Variants in FAM13A observed in about 807,000 individuals in gnomAD.
The protein encoded by FAM13A is family with sequence similarity 13 member A.
In FAM13A, 76 loss-of-function variants were observed where a neutral mutation model predicts 129.6. The observed-to-expected ratio is 0.59, with a 90% CI of 0.49 to 0.71. The LOEUF (loss-of-function observed/expected upper bound fraction) is 0.71. FAM13A is among the 30% of genes least tolerant of loss of function. The pLI is 0.00. For missense variants in FAM13A, 1,108 were observed against 1,249.3 expected (o/e 0.89, Z 1.70); for synonymous variants, 443 against 449.9 (o/e 0.98, Z 0.20).
intron 7 of FAM13A, among the ~76,000 whole-genome samples, chr4:88,818,356 G>A (rs1276345586): frequency 6.6e-6 from 1 of 151,918 alleles, no homozygotes; most frequent in Non-Finnish European, 1.5e-5. Flanking sequence ...ACCTTGGGTG[G>A]TATCATCTCT....
intron 1 of FAM13A, among the ~76,000 whole-genome samples, chr4:89,043,702 G>A (rs1770464703): frequency 6.6e-6 from 1 of 152,056 alleles, no homozygotes; most frequent in African/African-American, 2.4e-5. Flanking sequence ...ATTTTAATAA[G>A]GATGTGACAA....
chr4:88,827,663 TCCTCTCCTAC>T (rs1418658591), intron 7 of FAM13A, among the ~76,000 whole-genome samples: 2 of 152,168 alleles, frequency 1.3e-5, no homozygotes, highest in African/African-American at 4.8e-5. Flanking sequence ...CTCCTCCCTC[TCCTCTCCTAC>T]CCTCAACCAA....
intron 7 of FAM13A, among the ~76,000 whole-genome samples, chr4:88,833,859 C>G (rs1024138024): frequency 3.6e-4 from 55 of 152,126 alleles, no homozygotes; most frequent in African/African-American, 1.2e-3. Context: ...GCACTCCAGC[C>G]TGGGTGATAG....
At position 88,903,039 on chromosome 4, in the gene FAM13A, C is replaced by T. The variant is rs140609538; in HGVS notation, c.843+3340G>A. Among the ~76,000 whole-genome samples, 267 of 152,206 alleles carry T rather than the reference C, an allele frequency of 1.8e-3. 4 individuals carry two copies. Among genetic ancestry groups the T allele is most frequent in the Admixed American group, 0.015 (235 of 15,282 alleles). On this transcript the variant is annotated intron_variant, in intron 6 of 23. Transcript: ENST00000264344. ...TAAAATAAAATTGCTAGAAATACAG[C>T]TAACAAGGGAAGTAAAGGACCTCTT...
chr4:88,805,672 A>ATT (rs34154818), intron 7 of FAM13A, among the ~76,000 whole-genome samples: 39 of 149,224 alleles, frequency 2.6e-4, no homozygotes, highest in East Asian at 7.8e-4. Context: ...TTGAAAGTTA[A>ATT]TTTTTTTTTT....
At chr4:88,841,664 A>G (rs1735853437) in intron 7 of FAM13A, among the ~76,000 whole-genome samples, 1 of 152,206 alleles carries the variant, frequency 6.6e-6, no homozygotes, top group Admixed American at 6.5e-5. Context: ...ACATGAAAAG[A>G]TGTTCAACAT....
rs541305539 is a variant in FAM13A at position 88,928,426 on chromosome 4, C to T, written c.759+9662G>A. Among the ~76,000 whole-genome samples, 4 of 152,030 alleles carry T rather than the reference C, an allele frequency of 2.6e-5. No homozygotes were observed. The South Asian group carries it at 8.3e-4, about 32-fold the overall frequency. On this transcript the variant is annotated intron_variant, in intron 5 of 23. Coordinates refer to ENST00000264344, the MANE Select transcript of FAM13A (RefSeq NM_014883.4). ...TCTCAATGATCTGTCTATTGCTGTCCCTATTACTACTGTATTGCTGTCTAT... is the reference window on the plus strand; with the variant it reads ...TCTCAATGATCTGTCTATTGCTGTCTCTATTACTACTGTATTGCTGTCTAT...
intron 20 of FAM13A, among the ~76,000 whole-genome samples, chr4:88,738,294 G>A (rs529616060): frequency 2.0e-5 from 3 of 152,284 alleles, no homozygotes; most frequent in East Asian, 1.9e-4. Flanking sequence ...GGAGATGGGA[G>A]CACTGAAACA....
At position 88,728,611 on chromosome 4, in the gene FAM13A, T is replaced by G. The variant is rs773038490; in HGVS notation, c.2994A>C (p.Glu998Asp). 17 of 1,614,066 alleles carry G rather than the reference T, an allele frequency of 1.1e-5. No homozygotes were observed. In the Admixed American group the frequency reaches 2.7e-4, roughly 25 times the overall value. Reference protein sequence around the residue: ...DRTPMAEEYSEYKHIKAKLRL... With the variant: ...DRTPMAEEYSDYKHIKAKLRL... ...TCAGTTTCGCCTTTATGTGCTTATATTCACTGTATTCTTCAGCCATAGGAG... is the reference window on the plus strand; with the variant it reads ...TCAGTTTCGCCTTTATGTGCTTATAGTCACTGTATTCTTCAGCCATAGGAG... Residue 998 changes from glutamate (E) to aspartate (D), a missense_variant, in exon 24 of 24, where the codon GAA (glutamate) becomes GAC (aspartate). This residue lies in a region of FAM13A where 529 missense variants were observed against 621.2 expected (regional missense o/e 0.85). Coordinates refer to ENST00000264344, the MANE Select transcript of FAM13A (RefSeq NM_014883.4).
intron 21 of FAM13A, among the ~76,000 whole-genome samples, chr4:88,732,746 T>TA (rs1159810476): frequency 1.1e-4 from 17 of 152,014 alleles, no homozygotes; most frequent in African/African-American, 2.4e-5. Context: ...AGGGAAATTT[T>TA]AAGAAGACTG....
intron 6 of FAM13A, among the ~76,000 whole-genome samples, chr4:88,898,503 G>A (rs1746722555): frequency 6.6e-6 from 1 of 151,956 alleles, no homozygotes; most frequent in African/African-American, 2.4e-5. Context: ...AGTTTTATAA[G>A]GAAAGATTTT....
In FAM13A at chr4:88,732,165, C is replaced by T; in HGVS notation, c.2680G>A (p.Val894Met). Reference protein sequence around the residue: ...EEEGSEDDSNVKPDFMVTLKT... With the variant: ...EEEGSEDDSNMKPDFMVTLKT... ...AGAGTGACCATGAAGTCTGGCTTCA[C>T]ATTGCTATCGTCTTCTGACCCCTCC... The change falls in exon 22 of 24, where the codon GTG becomes ATG. Residue 894 changes from valine (V) to methionine (M), a missense_variant. Val to Met is a conservative substitution (Grantham distance 21). Around this residue, in one of 3 missense-constraint regions of FAM13A, gnomAD observed 529 missense variants for 621.2 expected, o/e 0.85. Transcript: ENST00000264344. 6.2e-7 allele frequency: 1 copy of T among 1,613,112 alleles called. No homozygotes were observed. The highest frequency in any genetic ancestry group is 8.5e-7 in the Non-Finnish European group (1 of 1,179,494).
chr4:89,036,013 C>A (rs912807299), intron 1 of FAM13A, among the ~76,000 whole-genome samples: 2 of 152,144 alleles, frequency 1.3e-5, no homozygotes, highest in Admixed American at 1.3e-4. Context: ...ACTAATACAG[C>A]AAATGTGGTA....
chr4:88,864,562 C>T (rs1740060700), intron 6 of FAM13A, among the ~76,000 whole-genome samples: 2 of 152,280 alleles, frequency 1.3e-5, no homozygotes, highest in East Asian at 1.9e-4. Context: ...GCACGCGCCA[C>T]CACACCCGGC....
intron 7 of FAM13A, among the ~76,000 whole-genome samples, chr4:88,816,422 G>A (rs562039561): frequency 2.0e-3 from 305 of 152,250 alleles, no homozygotes; most frequent in Middle Eastern, 0.01. Context: ...ATAGTGTTCT[G>A]ATATGCTTCC....
At chr4:88,771,150 C>CTTTTT (rs1429890852) in intron 11 of FAM13A, among the ~76,000 whole-genome samples, 3 of 40,522 alleles carry the variant, frequency 7.4e-5, no homozygotes, top group Non-Finnish European at 1.3e-4. Context: ...ACCCGGAAAG[C>CTTTTT]ATTTTTTTTT....
intron 6 of FAM13A, among the ~76,000 whole-genome samples, chr4:88,898,580 G>A (rs1746736440): frequency 6.6e-6 from 1 of 151,988 alleles, no homozygotes; most frequent in Non-Finnish European, 1.5e-5. Flanking sequence ...GCTCAATGCT[G>A]CTCTTGAATT....
intron 10 of FAM13A, among the ~76,000 whole-genome samples, chr4:88,784,658 A>G (rs1408210004): frequency 6.6e-6 from 1 of 152,208 alleles, no homozygotes; most frequent in Non-Finnish European, 1.5e-5. Flanking sequence ...TCTTTATATA[A>G]CAAAGAAACA....
intron 5 of FAM13A, among the ~76,000 whole-genome samples, chr4:88,918,424 A>T (rs1750457071): frequency 6.6e-6 from 1 of 152,192 alleles, no homozygotes; most frequent in African/African-American, 2.4e-5. Flanking sequence ...AGTATGAGTA[A>T]CTTGTCTAAG....
Sources: allele counts gnomAD v4.1 joint callset (sites outside exome capture counted in the v4.1 genomes callset), GRCh38; gene constraint gnomAD v4.1.1; regional missense constraint gnomAD v4.1.1; transcripts MANE v1.5; gene names NCBI Gene and HGNC (gene_info 2026-07-23, HGNC 2026-07-21).